Variants in KAT6B observed in about 807,000 individuals in gnomAD.
KAT6B encodes the protein lysine acetyltransferase 6B.
A neutral mutation model predicts 187.5 loss-of-function variants in KAT6B; 10 were observed. The observed-to-expected ratio is 0.05, with a 90% CI of 0.03 to 0.09. The LOEUF is 0.09. KAT6B is among the 10% of genes least tolerant of loss of function. The pLI, the probability that KAT6B is intolerant of heterozygous loss-of-function variation, is 1.00. For missense variants in KAT6B, 1,952 were observed against 2,558.9 expected (o/e 0.76, Z 5.12); for synonymous variants, 861 against 926.8 (o/e 0.93, Z 1.29).
chr10:75,000,541 G>A (rs749508771), intron 13 of KAT6B, among the ~76,000 whole-genome samples: 1 of 152,062 alleles, frequency 6.6e-6, no homozygotes, highest in Non-Finnish European at 1.5e-5. Flanking sequence ...AAGGGTAAAG[G>A]ACAGCTGGAT....
intron 3 of KAT6B, among the ~76,000 whole-genome samples, chr10:74,939,557 C>A (rs909520389): frequency 6.6e-6 from 1 of 151,986 alleles, no homozygotes; most frequent in Non-Finnish European, 1.5e-5. Context: ...TGCGCCACCA[C>A]GACCGGCTAA....
intron 16 of KAT6B, among the ~76,000 whole-genome samples, chr10:75,022,762 C>G (rs910467508): frequency 4.6e-5 from 7 of 152,162 alleles, no homozygotes; most frequent in African/African-American, 9.7e-5. Context: ...GAAATCCCGT[C>G]TCTGCTAAAA....
At chr10:74,993,251 C>A (rs988613486) in intron 13 of KAT6B, among the ~76,000 whole-genome samples, 2 of 152,208 alleles carry the variant, frequency 1.3e-5, no homozygotes, top group Non-Finnish European at 2.9e-5. Context: ...AATGCCTTAT[C>A]CATCTCACTA....
chr10:74,996,663 G>C (rs1843450665), intron 13 of KAT6B, among the ~76,000 whole-genome samples: 2 of 152,064 alleles, frequency 1.3e-5, no homozygotes, highest in Non-Finnish European at 2.9e-5. Context: ...CAGCTACTCG[G>C]GAGGCTGAGG....
intron 3 of KAT6B, among the ~76,000 whole-genome samples, chr10:74,921,082 A>G (rs1848075010): frequency 6.7e-6 from 1 of 149,610 alleles, no homozygotes; most frequent in South Asian, 2.1e-4. Flanking sequence ...ATGGTTTCCT[A>G]ATGTGTATGG....
chr10:74,909,028 A>G (rs866766058), intron 3 of KAT6B, among the ~76,000 whole-genome samples: 6 of 152,182 alleles, frequency 3.9e-5, no homozygotes, highest in African/African-American at 1.4e-4. Context: ...ACCACTGGGG[A>G]CATGAGAAAT....
In KAT6B at chr10:74,979,303, C is replaced by G; in HGVS notation, c.2195C>G (p.Thr732Ser). 6.2e-7 allele frequency: 1 copy of G among 1,613,566 alleles called. No individual in the cohort carries two copies. The highest frequency in any genetic ancestry group is 8.5e-7 in the Non-Finnish European group (1 of 1,179,622). Residue 732 changes from threonine to serine, a missense_variant, in exon 10 of 18, where the codon ACC (threonine) becomes AGC (serine). This residue lies in a region of KAT6B where 87 missense variants were observed against 191.8 expected (regional missense o/e 0.45). Transcript: ENST00000287239. ...VIEFGKYEIQ[T>S]WYSSPYPQEY... ...GAATTTGGTAAATATGAAATCCAAACCTGGTACTCCTCGCCTTACCCACAG... is the reference window on the plus strand; with the variant it reads ...GAATTTGGTAAATATGAAATCCAAAGCTGGTACTCCTCGCCTTACCCACAG...
At chr10:74,842,543 A>G (rs1203072443) in intron 2 of KAT6B, 57 bp from the exon 3 acceptor site, 3 of 537,176 alleles carry the variant, frequency 5.6e-6, no homozygotes. Context: ...AGAATCTTTT[A>G]GTTTATTTGT....
chr10:74,930,618 T>C (rs1312559441), intron 3 of KAT6B, among the ~76,000 whole-genome samples: 2 of 152,226 alleles, frequency 1.3e-5, no homozygotes, highest in Admixed American at 6.5e-5. Context: ...GTCAAGAAAG[T>C]TGGTTAAAAG....
At chr10:74,892,874 TC>T (rs1845731311) in intron 3 of KAT6B, among the ~76,000 whole-genome samples, 2 of 152,298 alleles carry the variant, frequency 1.3e-5, no homozygotes, top group South Asian at 4.1e-4. Flanking sequence ...GCAAGTATCT[TC>T]CTCTCATCTG....
At chr10:74,884,216 G>C (rs1845067572) in intron 3 of KAT6B, among the ~76,000 whole-genome samples, 1 of 152,160 alleles carries the variant, frequency 6.6e-6, no homozygotes, top group African/African-American at 2.4e-5. Flanking sequence ...AAATTTTCTA[G>C]GTGTTGTTTG....
upstream of KAT6B, among the ~76,000 whole-genome samples, chr10:74,826,387 G>T (rs1209655451): frequency 2.6e-5 from 4 of 151,338 alleles, no homozygotes; most frequent in East Asian, 7.8e-4. Flanking sequence ...GGTGGTGCCG[G>T]AGGGGGGGAT....
chr10:74,970,368 C>G (rs1841771917), intron 6 of KAT6B, among the ~76,000 whole-genome samples: 1 of 151,904 alleles, frequency 6.6e-6, no homozygotes, highest in African/African-American at 2.4e-5. Flanking sequence ...TCTCTCTCTC[C>G]AAACCATTCC....
chr10:74,881,548 A>G (rs1425422328), intron 3 of KAT6B, among the ~76,000 whole-genome samples: 2 of 152,160 alleles, frequency 1.3e-5, no homozygotes, highest in African/African-American at 4.8e-5. Flanking sequence ...CCATTCATTG[A>G]TACTTTTTGA....
chr10:74,921,043 T>A (rs1848072946), intron 3 of KAT6B, among the ~76,000 whole-genome samples: 1 of 152,122 alleles, frequency 6.6e-6, no homozygotes, highest in East Asian at 1.9e-4. Context: ...TTGTTGTGGA[T>A]TTTTTCCTTT....
intron 6 of KAT6B, among the ~76,000 whole-genome samples, chr10:74,972,051 T>G (rs1841879556): frequency 6.6e-6 from 1 of 152,124 alleles, no homozygotes; most frequent in African/African-American, 2.4e-5. Flanking sequence ...CTCAAAACTT[T>G]TATTTAAATT....
At chr10:74,920,243 G>A (rs1298096098) in intron 3 of KAT6B, among the ~76,000 whole-genome samples, 1 of 151,934 alleles carries the variant, frequency 6.6e-6, no homozygotes, top group African/African-American at 2.4e-5. Flanking sequence ...CTGCAAACCT[G>A]TGTGCAGGCT....
intron 3 of KAT6B, among the ~76,000 whole-genome samples, chr10:74,875,482 T>C (rs1291281744): frequency 1.3e-5 from 2 of 151,686 alleles, no homozygotes; most frequent in Non-Finnish European, 2.9e-5. Flanking sequence ...TTCTTTTTTT[T>C]TTTTTTTCCC....
chr10:74,844,420 A>G (rs1589454937), intron 3 of KAT6B, among the ~76,000 whole-genome samples: 1 of 152,232 alleles, frequency 6.6e-6, no homozygotes, highest in East Asian at 1.9e-4. Flanking sequence ...GCTAGTCTCG[A>G]ACTCCTGACT....
Sources: gnomAD v4.1 joint callset for allele counts (sites outside exome capture counted in the v4.1 genomes callset) on GRCh38, gnomAD v4.1.1 for gene constraint, gnomAD v4.1.1 regional missense constraint, MANE v1.5 for transcripts, NCBI Gene and HGNC (gene_info 2026-07-23, HGNC 2026-07-21) for gene names.